The following THSD4 variants were observed in gnomAD, a reference collection of about 807,000 sequenced individuals.
THSD4 encodes the protein thrombospondin type 1 domain containing 4.
Under a neutral mutation model 119.0 loss-of-function variants are expected in THSD4, and 69 were observed. That is an observed-to-expected ratio of 0.58 (90% CI 0.48 to 0.71). THSD4 has a LOEUF of 0.71. Among genes scored for constraint, THSD4 ranks in the 30% least tolerant of loss-of-function variants. The probability of loss-of-function intolerance (pLI) is 0.00; values close to 1 mark genes in which losing one functional copy is unlikely to be tolerated. For synonymous variants in THSD4, 524 were observed against 540.4 expected, an observed-to-expected ratio of 0.97 and a Z score of 0.42; for missense variants, 1,393 against 1,391.1, an observed-to-expected ratio of 1.00 and a Z score of -0.02.
At chr15:71,127,448 T>G (rs1567132805) in intron 1 of THSD4, among the ~76,000 whole-genome samples, 1 of 152,238 alleles carries the variant, frequency 6.6e-6, no homozygotes, top group Non-Finnish European at 1.5e-5. Flanking sequence ...GATTCCTAGA[T>G]CATATGGTAA....
chr15:71,657,247 T>G (rs1371648517), intron 7 of THSD4, among the ~76,000 whole-genome samples: 3 of 152,188 alleles, frequency 2.0e-5, no homozygotes, highest in Non-Finnish European at 2.9e-5. Flanking sequence ...TTCAGTGTAG[T>G]CACTCAACAA....
chr15:71,372,829 C>T (rs1566959340), intron 6 of THSD4, among the ~76,000 whole-genome samples: 4 of 152,234 alleles, frequency 2.6e-5, no homozygotes, highest in Admixed American at 2.6e-4. Context: ...TTTAAGTCTG[C>T]AGAGGTTTCT....
Position 71,777,265 on chromosome 15 carries a change from A to G in THSD4, c.2948A>G (p.Asn983Ser), listed in dbSNP as rs1385374722. The change falls in exon 18 of 18, where the codon AAC (asparagine) becomes AGC (serine). Residue 983 changes from asparagine to serine, a missense_variant. By Grantham distance (46) the Asn-to-Ser change is conservative. Coordinates refer to ENST00000261862, the MANE Select transcript of THSD4 (RefSeq NM_024817.3). Reference sequence around the variant, plus strand: ...TGCAAGGACAAGTACTACAACTGCAACGTGGTGGTCCAGGCAAGACTCTGT... The same window carrying G: ...TGCAAGGACAAGTACTACAACTGCAGCGTGGTGGTCCAGGCAAGACTCTGT... ...ENCKDKYYNCNVVVQARLCVY... is the reference protein window; with the variant it reads ...ENCKDKYYNCSVVVQARLCVY... The G allele has an allele frequency of 5.6e-6, 9 of 1,614,106 alleles. No homozygotes were observed. The highest frequency in any genetic ancestry group is 7.6e-6 in the Non-Finnish European group (9 of 1,180,042).
At chr15:71,341,409 C>T (rs931720820) in intron 6 of THSD4, 15 of 1,612,012 alleles carry the variant, frequency 9.3e-6, no homozygotes, top group Non-Finnish European at 1.2e-5. Context: ...TTAAGTTCAG[C>T]ATTACTCTCT....
chr15:71,722,148 G>T lies in THSD4; in HGVS notation c.1358-6401G>T, dbSNP rs539183029. Among the ~76,000 whole-genome samples, 3 of 152,274 alleles carry T rather than the reference G, an allele frequency of 2.0e-5. No homozygotes were observed. The East Asian group carries it at 5.8e-4, about 29-fold the overall frequency. On this transcript the variant is annotated intron_variant, in intron 8 of 17. Transcript: ENST00000261862. ...TGCACCTTTTTGTGAGGTAGTTCTG[G>T]ATGCCATTCCTAGCCCTGGAACTGC...
At position 71,394,917 on chromosome 15, in the gene THSD4, G is replaced by A. The variant is rs190995911; in HGVS notation, c.1016-16770G>A. ...ACTAGACAGATATTTCTGAACAGATGTCAGTATGAAAGGCTTCCCAGGAGT... is the reference window on the plus strand; with the variant it reads ...ACTAGACAGATATTTCTGAACAGATATCAGTATGAAAGGCTTCCCAGGAGT... On this transcript the variant is annotated intron_variant, in intron 6 of 17. Coordinates refer to ENST00000261862, the MANE Select transcript of THSD4 (RefSeq NM_024817.3). 1.1e-4 allele frequency among the ~76,000 whole-genome samples: 17 copies of A among 152,328 alleles called. No individual in the cohort carries two copies. The East Asian group carries it at 3.3e-3, about 29-fold the overall frequency.
intron 3 of THSD4, among the ~76,000 whole-genome samples, chr15:71,166,176 A>C (rs1217403737): frequency 6.6e-6 from 1 of 151,996 alleles, no homozygotes; most frequent in Non-Finnish European, 1.5e-5. Context: ...GTACCTGATG[A>C]ATTCAGATGT....
At chr15:71,677,286 G>C (rs189920855) in intron 8 of THSD4, among the ~76,000 whole-genome samples, 1 of 152,194 alleles carries the variant, frequency 6.6e-6, no homozygotes, top group Admixed American at 6.5e-5. Flanking sequence ...AATGTTCCTC[G>C]TCAATGCTGG....
chr15:71,331,819 C>T (rs572912922), intron 6 of THSD4, among the ~76,000 whole-genome samples: 2 of 149,366 alleles, frequency 1.3e-5, no homozygotes, highest in Admixed American at 1.3e-4. Flanking sequence ...CTTGCCCCCC[C>T]CTCCCCACCC....
At chr15:71,298,066 T>C (rs1198231321) in intron 6 of THSD4, among the ~76,000 whole-genome samples, 3 of 152,214 alleles carry the variant, frequency 2.0e-5, no homozygotes, top group Non-Finnish European at 4.4e-5. Context: ...TCTAAGAGTT[T>C]TATAATTTTA....
chr15:71,488,471 T>C (rs1393981239), intron 7 of THSD4, among the ~76,000 whole-genome samples: 6 of 152,236 alleles, frequency 3.9e-5, no homozygotes, highest in Non-Finnish European at 8.8e-5. Flanking sequence ...TGCTCTAGAA[T>C]AGTTTAAATA....
At chr15:71,545,541 T>G (rs139570346) in intron 7 of THSD4, among the ~76,000 whole-genome samples, 2,354 of 152,310 alleles carry the variant, frequency 0.015, 21 homozygotes, top group Non-Finnish European at 0.023. Context: ...CCATCTGGCC[T>G]TTTACAGAAA....
chr15:71,763,554 A>ATTTTTATT (rs2053661813), intron 15 of THSD4, among the ~76,000 whole-genome samples: 1 of 144,970 alleles, frequency 6.9e-6, no homozygotes, highest in Admixed American at 6.8e-5. Flanking sequence ...CTAAAAACAA[A>ATTTTTATT]TTTTTTTTTT....
chr15:71,741,331 A>G (rs1323689659), intron 11 of THSD4, among the ~76,000 whole-genome samples: 1 of 152,114 alleles, frequency 6.6e-6, no homozygotes, highest in Non-Finnish European at 1.5e-5. Context: ...TGTCCTCACC[A>G]AAAATACAAA....
intron 7 of THSD4, among the ~76,000 whole-genome samples, chr15:71,491,939 T>C (rs2047926206): frequency 6.6e-6 from 1 of 152,358 alleles, no homozygotes; most frequent in East Asian, 1.9e-4. Context: ...TATTCTGATA[T>C]AGCAGTACAA....
At position 71,747,027 on chromosome 15, in the gene THSD4, G is replaced by T. The variant is rs1219947154; in HGVS notation, c.2226G>T (p.Arg742=). ...AGATCTGCAGCGAGTGGCAGATCCG[G>T]ACCGACTGGACCTCGGTACGCAGGC... The part of the protein sequence containing the change: ...QLKICSEWQI[R]TDWTSCSVPC... The change falls in exon 13 of 18, where the codon CGG becomes CGT. Residue 742 remains arginine (R), a synonymous_variant. Coordinates refer to ENST00000261862, the MANE Select transcript of THSD4 (RefSeq NM_024817.3). 1 of 1,608,764 alleles carries T rather than the reference G, an allele frequency of 6.2e-7. No homozygotes were observed. The highest frequency in any genetic ancestry group is 8.5e-7 in the Non-Finnish European group (1 of 1,178,850).
chr15:71,413,094 C>T (rs1241930195), intron 7 of THSD4, among the ~76,000 whole-genome samples: 1 of 152,176 alleles, frequency 6.6e-6, no homozygotes, highest in African/African-American at 2.4e-5. Context: ...TCACTGCAAC[C>T]TCTGCCTCCT....
chr15:71,675,330 C>T (rs2051621188), intron 8 of THSD4, among the ~76,000 whole-genome samples: 1 of 152,204 alleles, frequency 6.6e-6, no homozygotes, highest in African/African-American at 2.4e-5. Context: ...CTCTGATCAT[C>T]TCTCCAGCTC....
intron 5 of THSD4, among the ~76,000 whole-genome samples, chr15:71,244,218 A>G (rs1242147702): frequency 1.3e-5 from 2 of 152,232 alleles, no homozygotes; most frequent in Admixed American, 6.5e-5. Flanking sequence ...AGTAGAACCA[A>G]CTATCAATGT....
Sources: gnomAD v4.1 joint callset for allele counts (sites outside exome capture counted in the v4.1 genomes callset) on GRCh38, gnomAD v4.1.1 for gene constraint, MANE v1.5 for transcripts, NCBI Gene and HGNC (gene_info 2026-07-23, HGNC 2026-07-21) for gene names.